SNX8: variants seen among roughly 807,000 people sequenced by gnomAD.
The protein encoded by SNX8 is sorting nexin 8.
Under a neutral mutation model 51.6 loss-of-function variants are expected in SNX8, and 25 were observed. The observed-to-expected ratio is 0.48, with a 90% CI of 0.35 to 0.68. The LOEUF (loss-of-function observed/expected upper bound fraction) is 0.68. SNX8 is among the 30% of genes least tolerant of loss of function. The pLI is 0.00. For missense variants in SNX8, 695 were observed against 624.0 expected (o/e 1.11, Z -1.21); for synonymous variants, 324 against 277.0 (o/e 1.17, Z -1.68).
intron 10 of SNX8, among the ~76,000 whole-genome samples, chr7:2,255,545 C>G (rs549027724): frequency 6.6e-6 from 1 of 152,322 alleles, no homozygotes; most frequent in Admixed American, 6.5e-5. Context: ...CAAGGCCAGC[C>G]TGGGCAACAC....
intron 1 of SNX8, among the ~76,000 whole-genome samples, chr7:2,297,550 CA>C (rs145543350): frequency 0.043 from 1,742 of 40,204 alleles, 14 homozygotes; most frequent in East Asian, 0.14. Context: ...AACCCCGCCG[CA>C]AAAAAAAAAA....
At chr7:2,276,213 G>A (rs1303812024) in intron 2 of SNX8, among the ~76,000 whole-genome samples, 1 of 152,156 alleles carries the variant, frequency 6.6e-6, no homozygotes, top group South Asian at 2.1e-4. Context: ...CGTCTCACAC[G>A]CTCAGAGTTG....
chr7:2,335,795 T>A (rs1778817152), intron 1 of SNX8, among the ~76,000 whole-genome samples: 1 of 115,124 alleles, frequency 8.7e-6, no homozygotes, highest in Non-Finnish European at 1.7e-5. Context: ...AGAGCGAGAC[T>A]CTGTCTCAAA....
chr7:2,262,604 T>A (rs1795364114), intron 7 of SNX8, among the ~76,000 whole-genome samples: 2 of 152,176 alleles, frequency 1.3e-5, no homozygotes, highest in Non-Finnish European at 2.9e-5. Flanking sequence ...GTGGGAACTA[T>A]CTGGTCCACC....
intron 1 of SNX8, among the ~76,000 whole-genome samples, chr7:2,348,122 G>C (rs1202304358): frequency 6.6e-6 from 1 of 152,046 alleles, no homozygotes; most frequent in Non-Finnish European, 1.5e-5. Flanking sequence ...AAGAAACTAA[G>C]TAAAAAAAGC....
At position 2,263,212 on chromosome 7, in the gene SNX8, G is replaced by A; in HGVS notation, c.915+18C>T. ...CGTGTTCTCTGGAACAGGCGCCTGG[G>A]AGAACCGATCCACTCACCTGTTGTG... On this transcript the variant is annotated intron_variant, in intron 7 of 10. Coordinates refer to ENST00000222990, the MANE Select transcript of SNX8 (RefSeq NM_013321.4). 1.2e-6 allele frequency: 2 copies of A among 1,613,292 alleles called. No homozygotes were observed. Among genetic ancestry groups the A allele is most frequent in the Non-Finnish European group, 1.7e-6 (2 of 1,179,738 alleles).
At chr7:2,330,028 A>C (rs1239797933) in intron 1 of SNX8, among the ~76,000 whole-genome samples, 1 of 143,358 alleles carries the variant, frequency 7.0e-6, no homozygotes, top group Admixed American at 7.3e-5. Context: ...ACTGGATTTC[A>C]CCATGTTGGC....
At chr7:2,317,255 T>C (rs1796772428), upstream of SNX8, among the ~76,000 whole-genome samples, 2 of 29,626 alleles carry the variant, frequency 6.8e-5, no homozygotes, top group African/African-American at 2.5e-4. Flanking sequence ...GACCTTCTTT[T>C]TTTTTTTTTT....
rs551950776 is a variant in SNX8, at chr7:2,259,970, T to A, written c.916-2167A>T. On this transcript the variant is annotated intron_variant, in intron 7 of 10. Transcript: ENST00000222990. ...CACATAAAATACGCTAACACTATGATAGCTGATGAACTAAAAAAAACAAAA... is the reference window on the plus strand; with the variant it reads ...CACATAAAATACGCTAACACTATGAAAGCTGATGAACTAAAAAAAACAAAA... Among the ~76,000 whole-genome samples, 145 of 150,700 alleles carry A rather than the reference T, an allele frequency of 9.6e-4. 1 individual carries two copies. The highest frequency in any genetic ancestry group is 3.3e-3 in the African/African-American group (137 of 40,936).
In SNX8 at chr7:2,269,641, T is replaced by C; in HGVS notation, c.541-2A>G. 1 of 1,592,620 alleles carries C rather than the reference T, an allele frequency of 6.3e-7. No individual in the cohort carries two copies. The highest frequency in any genetic ancestry group is 1.1e-5 in the South Asian group (1 of 87,702). On this transcript the variant is annotated splice_acceptor_variant, in intron 4 of 10. Coordinates refer to ENST00000222990, the MANE Select transcript of SNX8 (RefSeq NM_013321.4). LOFTEE classifies it high-confidence loss of function. ...CTCCTTTAACTTGTTCTGCACATCCTGCAAAAGGAAAACACACAGCTTCAC... is the reference window on the plus strand; with the variant it reads ...CTCCTTTAACTTGTTCTGCACATCCCGCAAAAGGAAAACACACAGCTTCAC...
rs191355107 is a variant in SNX8 at position 2,325,557 on chromosome 7, G to A, written c.-66+28665C>T. On this transcript the variant is annotated intron_variant, in intron 1 of 5. Coordinates refer to the SNX8 transcript ENST00000435336. ...AATGAGGAATATCAGGCCAGGTGGG[G>A]TGGCTCATGCCTGTAATCTCAGCAC... Among the ~76,000 whole-genome samples the A allele has an allele frequency of 1.4e-4, 22 of 152,276 alleles. 1 individual carries two copies. The East Asian group carries it at 3.9e-3, about 27-fold the overall frequency.
rs752732411 is a variant in SNX8 at position 2,263,269 on chromosome 7, A to C, written c.876T>G (p.Ser292=). 15 of 1,613,968 alleles carry C rather than the reference A, an allele frequency of 9.3e-6. No individual in the cohort carries two copies. Among genetic ancestry groups the C allele is most frequent in the Non-Finnish European group, 1.3e-5 (15 of 1,180,010 alleles). Reference sequence around the variant, plus strand: ...TGTCGGCGAGCAGCGCGAATTCCACAGACAGGCCTTTCAGAGCCTGCTTCA... The same window carrying C: ...TGTCGGCGAGCAGCGCGAATTCCACCGACAGGCCTTTCAGAGCCTGCTTCA... ...GSLKQALKGL[S]VEFALLADKA... is the part of the protein sequence containing the mutation. Residue 292 remains serine, a synonymous_variant, in exon 7 of 11, where the codon TCT becomes TCG. Transcript: ENST00000222990.
In SNX8 at chr7:2,255,005, T is replaced by G; in HGVS notation, c.*51A>C. 1 of 1,206,352 alleles carries G rather than the reference T, an allele frequency of 8.3e-7. No homozygotes were observed. Among genetic ancestry groups the G allele is most frequent in the Middle Eastern group, 1.9e-4 (1 of 5,342 alleles). 74.7% of individuals were successfully genotyped at this position (1,206,352 alleles called of 1,614,324 possible). A position where few individuals can be genotyped will look rare whatever the true frequency, so the allele number is the denominator to read the frequency against. The stretch of plus-strand genomic sequence containing the variant: ...GGGAATTACACCGGGACACACCGTT[T>G]GGAAAGAGGTTTTAGTGCGGCCGCA... On this transcript the variant is annotated 3_prime_UTR_variant, in exon 11 of 11. Transcript: ENST00000222990.
intron 1 of SNX8, among the ~76,000 whole-genome samples, chr7:2,346,737 CA>C (rs143462126): frequency 2.6e-3 from 116 of 45,330 alleles, no homozygotes; most frequent in Admixed American, 3.3e-3. Flanking sequence ...GACTCCGTCT[CA>C]AAAAAAAAAA....
In SNX8 at chr7:2,343,023, G is replaced by A. The variant is rs150602447; in HGVS notation, c.-66+11199C>T. On this transcript the variant is annotated intron_variant, in intron 1 of 5. Coordinates refer to the SNX8 transcript ENST00000435336. ...TTGGTCAGGCTGGTCTTGAACTCCT[G>A]ACCTTAGGTGATCCACCTGCCTCGA... 8.6e-3 allele frequency among the ~76,000 whole-genome samples: 1,305 copies of A among 151,896 alleles called. 19 individuals are homozygous for A. Among genetic ancestry groups the A allele is most frequent in the African/African-American group, 0.029 (1,215 of 41,476 alleles).
chr7:2,275,359 G>A, intron 2 of SNX8, 130 bp from the exon 3 acceptor site: 1 of 707,518 alleles, frequency 1.4e-6, no homozygotes, highest in East Asian at 2.5e-5. Context: ...ACTAAATGGA[G>A]AAACCCTGTG....
Position 2,306,116 on chromosome 7 carries a change from G to A in SNX8, c.94+8212C>T, listed in dbSNP as rs543222885. 3.7e-4 allele frequency among the ~76,000 whole-genome samples: 57 copies of A among 152,138 alleles called. 1 individual carries two copies. The highest frequency in any genetic ancestry group is 1.5e-4 in the Non-Finnish European group (10 of 68,032). On this transcript the variant is annotated intron_variant, in intron 1 of 10. Transcript: ENST00000222990. The stretch of plus-strand genomic sequence containing the variant: ...ATTGGGATTACAGGCATGAGCCACT[G>A]TGCCCAACCCGGGACAAGTCATTTT...
intron 1 of SNX8, among the ~76,000 whole-genome samples, chr7:2,293,012 C>G (rs2115169895): frequency 6.6e-6 from 1 of 151,860 alleles, no homozygotes; most frequent in Non-Finnish European, 1.5e-5. Context: ...AGAGTAAGAC[C>G]TTATACCTAA....
Position 2,275,221 on chromosome 7 carries a change from C to G in SNX8, c.309G>C (p.Lys103Asn). 1 of 1,611,376 alleles carries G rather than the reference C, an allele frequency of 6.2e-7. No homozygotes were observed. The highest frequency in any genetic ancestry group is 8.5e-7 in the Non-Finnish European group (1 of 1,177,454). Residue 103 changes from lysine to asparagine, a missense_variant, in exon 3 of 11, where the codon AAG becomes AAC. Lys to Asn is a moderately conservative substitution (Grantham distance 94). Coordinates refer to ENST00000222990, the MANE Select transcript of SNX8 (RefSeq NM_013321.4). ...CATTGTACCGTCTGTATACCGAGGA[C>G]TTGAAGCGCTGCAAGAGAAGGGTCG... ...VEYEVSSQRF[K>N]SSVYRRYNDF... is the part of the protein sequence containing the mutation.
Sources: gnomAD v4.1 joint callset for allele counts (sites outside exome capture counted in the v4.1 genomes callset) on GRCh38, gnomAD v4.1.1 for gene constraint, MANE v1.5 for transcripts, NCBI Gene and HGNC (gene_info 2026-07-23, HGNC 2026-07-21) for gene names.